The following SLC3A1 variants were observed in gnomAD, a reference collection of about 807,000 sequenced individuals.
SLC3A1 encodes the protein amino acid transporter heavy chain SLC3A1.
In SLC3A1, 78 loss-of-function variants were observed where a neutral mutation model predicts 60.3. That is an observed-to-expected ratio of 1.29 (90% CI 1.08 to 1.56). SLC3A1 has a LOEUF of 1.56. Ranked by LOEUF, SLC3A1 falls within the 40% of genes most tolerant of loss-of-function variation. SLC3A1 has a pLI of 0.00. For missense variants in SLC3A1, 1,172 were observed against 858.9 expected, an observed-to-expected ratio of 1.36 and a Z score of -4.56; for synonymous variants, 392 against 307.9, an observed-to-expected ratio of 1.27 and a Z score of -2.86.
intron 4 of SLC3A1, among the ~76,000 whole-genome samples, chr2:44,291,750 A>G (rs1283847009): frequency 6.6e-6 from 1 of 152,154 alleles, no homozygotes; most frequent in Non-Finnish European, 1.5e-5. Flanking sequence ...ACTTGCTTGC[A>G]TACCAACTTG....
rs1672360936 is a variant in SLC3A1 at position 44,313,958 on chromosome 2, A to G, written c.1617+7A>G. 1.2e-6 allele frequency: 2 copies of G among 1,614,074 alleles called. No individual in the cohort carries two copies. The highest frequency in any genetic ancestry group is 1.7e-6 in the Non-Finnish European group (2 of 1,179,962). On this transcript the variant is annotated splice_region_variant and intron_variant, in intron 9 of 9. Coordinates refer to ENST00000260649, the MANE Select transcript of SLC3A1 (RefSeq NM_000341.4). ...CCACACTGTGAATGTTGATGTAAGT[A>G]TCAGTGAAAATTTTATGTTGATTCT...
intron 4 of SLC3A1, among the ~76,000 whole-genome samples, chr2:44,299,542 A>G (rs886473572): frequency 6.6e-6 from 1 of 152,168 alleles, no homozygotes; most frequent in African/African-American, 2.4e-5. Flanking sequence ...GTAAGGAGTG[A>G]AATATTTAAC....
At chr2:44,300,862 T>C in intron 5 of SLC3A1, 141 bp from the exon 6 acceptor site, 1 of 879,250 alleles carries the variant, frequency 1.1e-6, no homozygotes, top group East Asian at 2.5e-5. Context: ...TGAAGCATTC[T>C]TCTCCATCCA....
rs753710797 is a variant in SLC3A1 at position 44,300,036 on chromosome 2, C to G, written c.957C>G (p.Leu319=). The change falls in exon 5 of 10, where the codon CTC becomes CTG. Residue 319 remains leucine (L), a synonymous_variant. Coordinates refer to ENST00000260649, the MANE Select transcript of SLC3A1 (RefSeq NM_000341.4). The stretch of plus-strand genomic sequence containing the variant: ...TTAGTTTGGATGCTGTTAAATTCCT[C>G]CTAGAAGCAAAGCACCTGAGAGATG... The part of the protein sequence containing the change: ...DGFSLDAVKF[L]LEAKHLRDEI... 1 of 1,613,714 alleles carries G rather than the reference C, an allele frequency of 6.2e-7. No individual in the cohort carries two copies. Among genetic ancestry groups the G allele is most frequent in the East Asian group, 2.2e-5 (1 of 44,858 alleles).
At chr2:44,306,623 G>T (rs1311497366) in intron 7 of SLC3A1, among the ~76,000 whole-genome samples, 1 of 144,136 alleles carries the variant, frequency 6.9e-6, no homozygotes, top group African/African-American at 2.6e-5. Context: ...GTGTGATCCC[G>T]GCTCACTTCA....
intron 9 of SLC3A1, 37 bp downstream of exon 9, chr2:44,313,988 A>G: frequency 6.2e-7 from 1 of 1,613,432 alleles, no homozygotes; most frequent in East Asian, 2.2e-5. Flanking sequence ...GATTCTAGAA[A>G]CAAAGAAATG....
At chr2:44,301,516 G>A (rs969109680) in intron 6 of SLC3A1, 13 of 353,828 alleles carry the variant, frequency 3.7e-5, no homozygotes, top group Admixed American at 2.9e-4. Context: ...CAAGGCAGGC[G>A]GATCACGAGG....
At position 44,313,944 on chromosome 2, in the gene SLC3A1, A is replaced by T. The variant is rs1285569031; in HGVS notation, c.1610A>T (p.Asn537Ile). ...LPTNSDYHTV[N>I]VDVQKTQPRS... ...ACCAATTCAGATTACCACACTGTGA[A>T]TGTTGATGTAAGTATCAGTGAAAAT... The change falls in exon 9 of 10, where the codon AAT (asparagine) becomes ATT (isoleucine). Residue 537 changes from asparagine (N) to isoleucine (I), a missense_variant. Asn to Ile is a moderately radical substitution (Grantham distance 149, BLOSUM62 -3). Transcript: ENST00000260649. 1 of 1,614,124 alleles carries T rather than the reference A, an allele frequency of 6.2e-7. No homozygotes were observed. The highest frequency in any genetic ancestry group is 8.5e-7 in the Non-Finnish European group (1 of 1,179,994).
At chr2:44,281,147 C>T (rs1671489166) in intron 2 of SLC3A1, among the ~76,000 whole-genome samples, 1 of 136,526 alleles carries the variant, frequency 7.3e-6, no homozygotes, top group Admixed American at 8.0e-5. Flanking sequence ...CCCCTCCCCT[C>T]TCCTTTCCCT....
chr2:44,288,425 C>G (rs182316840), intron 4 of SLC3A1, among the ~76,000 whole-genome samples: 2 of 151,534 alleles, frequency 1.3e-5, no homozygotes, highest in Non-Finnish European at 2.9e-5. Flanking sequence ...CCCTGGGAAA[C>G]CACAAATCTA....
Position 44,300,049 on chromosome 2 carries a change from C to A in SLC3A1, c.970C>A (p.His324Asn), listed in dbSNP as rs1671963186. Residue 324 changes from histidine (H) to asparagine (N), a missense_variant, in exon 5 of 10, where the codon CAC becomes AAC. Coordinates refer to ENST00000260649, the MANE Select transcript of SLC3A1 (RefSeq NM_000341.4). Reference protein sequence around the residue: ...DAVKFLLEAKHLRDEIQVNKT... With the variant: ...DAVKFLLEAKNLRDEIQVNKT... ...TGTTAAATTCCTCCTAGAAGCAAAG[C>A]ACCTGAGAGATGAGATCCAAGTAAA... is the stretch of plus-strand genomic sequence containing the variant. 6.2e-7 allele frequency: 1 copy of A among 1,613,628 alleles called. No homozygotes were observed. The highest frequency in any genetic ancestry group is 2.2e-5 in the East Asian group (1 of 44,862).
chr2:44,303,805 C>G, intron 6 of SLC3A1: 2 of 452,816 alleles, frequency 4.4e-6, no homozygotes, highest in Non-Finnish European at 8.2e-6. Flanking sequence ...TATTCAACTC[C>G]CACCTATGAG....
At chr2:44,316,933 CTTGATTTAAATAA>C (rs1331361160) in intron 9 of SLC3A1, among the ~76,000 whole-genome samples, 1 of 152,004 alleles carries the variant, frequency 6.6e-6, no homozygotes, top group East Asian at 1.9e-4. Context: ...AAGGAAATAA[CTTGATTTAAATAA>C]TTTTTGATAC....
At chr2:44,310,824 G>C (rs888730516) in intron 7 of SLC3A1, among the ~76,000 whole-genome samples, 1 of 151,548 alleles carries the variant, frequency 6.6e-6, no homozygotes, top group African/African-American at 2.4e-5. Flanking sequence ...TTTGAGACAG[G>C]GTTTTGCTCT....
intron 9 of SLC3A1, chr2:44,319,319 T>G (rs1672717225): frequency 6.6e-6 from 1 of 152,618 alleles, no homozygotes; most frequent in South Asian, 2.1e-4. Context: ...TGGCATTATG[T>G]ATCAAGTGCC....
intron 9 of SLC3A1, chr2:44,314,923 T>TA (rs1672389988): frequency 7.7e-5 from 1 of 13,070 alleles, no homozygotes; most frequent in Non-Finnish European, 2.3e-4. Context: ...AAAACAGTGA[T>TA]TTTTTTTTTT....
At position 44,286,184 on chromosome 2, in the gene SLC3A1, C is replaced by A. The variant is rs772358676; in HGVS notation, c.891+27C>A. On this transcript the variant is annotated intron_variant, in intron 4 of 9. Coordinates refer to ENST00000260649, the MANE Select transcript of SLC3A1 (RefSeq NM_000341.4). ...TGAGTATAGATACCCACACAGACTT[C>A]TCCATTAATGGAGGTTTAGGTATTT... The A allele has an allele frequency of 3.1e-6, 5 of 1,608,906 alleles. No individual in the cohort carries two copies. The African/African-American group carries it at 5.3e-5, about 17-fold the overall frequency.
chr2:44,320,089 CA>C lies in SLC3A1; in HGVS notation c.1618-106del. 3 of 949,510 alleles carry C rather than the reference CA, an allele frequency of 3.2e-6. No individual in the cohort carries two copies. In the Admixed American group the frequency reaches 7.6e-5, roughly 24 times the overall value. The allele number at this position is 949,510 out of a possible 1,614,324, so 58.8% of individuals were successfully genotyped here. A position where few individuals can be genotyped will look rare whatever the true frequency, so the allele number is the denominator to read the frequency against. ...CTTACAATTTGGCAATTATAAGGGG[CA>C]AAATTGGAGCAAGTGTTTTGGGTAA... On this transcript the variant is annotated intron_variant, in intron 9 of 9. Transcript: ENST00000260649.
At chr2:44,317,626 T>C (rs1189222525) in intron 9 of SLC3A1, 1 of 152,478 alleles carries the variant, frequency 6.6e-6, no homozygotes, top group Non-Finnish European at 1.5e-5. Flanking sequence ...GGTCATAATT[T>C]TAATGGTAAA....
Sources: gnomAD v4.1 joint callset for allele counts (sites outside exome capture counted in the v4.1 genomes callset) on GRCh38, gnomAD v4.1.1 for gene constraint, MANE v1.5 for transcripts, NCBI Gene and HGNC (gene_info 2026-07-23, HGNC 2026-07-21) for gene names.